Variants in ACSBG2 observed in about 807,000 individuals in gnomAD.
The protein encoded by ACSBG2 is acyl-CoA synthetase bubblegum family member 2, also known as long-chain-fatty-acid--CoA ligase ACSBG2.
Under a neutral mutation model 74.7 loss-of-function variants are expected in ACSBG2, and 62 were observed. The observed-to-expected ratio is 0.83, with a 90% CI of 0.68 to 1.03. The LOEUF (loss-of-function observed/expected upper bound fraction) is 1.03. Ranked by LOEUF, ACSBG2 falls within the 50% of genes least tolerant of loss-of-function variation. The pLI is 0.00. For synonymous variants in ACSBG2, 309 were observed against 294.1 expected (o/e 1.05, Z -0.52); for missense variants, 730 against 817.6 (o/e 0.89, Z 1.31).
rs1568264215 is a variant in ACSBG2, at chr19:6,192,846, T to C, written c.*214T>C. On this transcript the variant is annotated 3_prime_UTR_variant, in exon 15 of 15. Coordinates refer to ENST00000588485, the MANE Select transcript of ACSBG2 (RefSeq NM_030924.5). Reference sequence around the variant, plus strand: ...CAAAGCAATAAAATCACTGTATATCTTTCTAAGGACCTTCAAGTCATGACT... The same window carrying C: ...CAAAGCAATAAAATCACTGTATATCCTTCTAAGGACCTTCAAGTCATGACT... 6.6e-6 allele frequency: 1 copy of C among 152,196 alleles called. No individual in the cohort carries two copies. The highest frequency in any genetic ancestry group is 1.5e-5 in the Non-Finnish European group (1 of 68,028). The allele number at this position is 152,196 out of a possible 1,614,324, so 9.4% of individuals were successfully genotyped here.
chr19:6,142,263 T>C (rs1599989458), intron 2 of ACSBG2, among the ~76,000 whole-genome samples: 1 of 152,172 alleles, frequency 6.6e-6, no homozygotes, highest in Non-Finnish European at 1.5e-5. Flanking sequence ...GGTGCGGATA[T>C]GATCATAGTG....
chr19:6,183,216 G>C lies in ACSBG2; in HGVS notation c.1266G>C (p.Leu422Phe), dbSNP rs997753413. ...TACCTATAGGCGAGTTGTATGGGTT[G>C]AGTGAGAGCTCGGGACCCCACACGA... ...LDIPIGELYG[L>F]SESSGPHTIS... Residue 422 changes from leucine to phenylalanine, a missense_variant, in exon 10 of 15, where the codon TTG becomes TTC. Leu to Phe is a conservative substitution (Grantham distance 22, BLOSUM62 0). Coordinates refer to ENST00000588485, the MANE Select transcript of ACSBG2 (RefSeq NM_030924.5). 4 of 1,614,040 alleles carry C rather than the reference G, an allele frequency of 2.5e-6. No homozygotes were observed. The highest frequency in any genetic ancestry group is 3.3e-5 in the Admixed American group (2 of 59,992).
At chr19:6,188,640 C>A (rs1044776150) in intron 13 of ACSBG2, among the ~76,000 whole-genome samples, 3 of 152,036 alleles carry the variant, frequency 2.0e-5, no homozygotes, top group Non-Finnish European at 4.4e-5. Context: ...AAACAAAAAA[C>A]AAACAAACAA....
At chr19:6,161,338 C>T in intron 6 of ACSBG2, 43 bp downstream of exon 6, 1 of 1,582,718 alleles carries the variant, frequency 6.3e-7, no homozygotes. Flanking sequence ...GAGGGCGGGG[C>T]CTTGCAAGAA....
chr19:6,175,572 G>A (rs2090069856), intron 7 of ACSBG2: 1 of 152,174 alleles, frequency 6.6e-6, no homozygotes, highest in African/African-American at 2.4e-5. Context: ...GGAAAAGGCT[G>A]AAGAAAGAGC....
intron 4 of ACSBG2, among the ~76,000 whole-genome samples, chr19:6,153,859 TAAAGAAAAGA>T (rs10596493): frequency 8.0e-5 from 9 of 112,012 alleles, no homozygotes; most frequent in Non-Finnish European, 9.2e-5. Flanking sequence ...AAAATAAAAG[TAAAGAAAAGA>T]AAAGAAAAGA....
At chr19:6,158,392 A>G (rs1193815449) in intron 5 of ACSBG2, among the ~76,000 whole-genome samples, 1 of 149,316 alleles carries the variant, frequency 6.7e-6, no homozygotes, top group Non-Finnish European at 1.5e-5. Flanking sequence ...TGTTGAAATT[A>G]TCCAGTGAGT....
Position 6,141,582 on chromosome 19 carries a change from T to A in ACSBG2, c.39T>A (p.Asp13Glu), listed in dbSNP as rs79266675. The change falls in exon 2 of 15, where the codon GAT becomes GAA. Residue 13 changes from aspartate to glutamate, a missense_variant. Asp to Glu is a conservative substitution (Grantham distance 45, BLOSUM62 2). Transcript: ENST00000588485. ...CAAAGACTCAAGAAGGAGCTAAAGA[T>A]CTTGAAGTAGACATGAATAAAACAG... ...GTPKTQEGAK[D>E]LEVDMNKTEV... 22,117 of 1,611,046 alleles carry A rather than the reference T, an allele frequency of 0.014. 212 individuals carry two copies. Among genetic ancestry groups the A allele is most frequent in the Middle Eastern group, 0.026 (156 of 6,062 alleles).
intron 1 of ACSBG2, among the ~76,000 whole-genome samples, chr19:6,141,204 T>C (rs1312603911): frequency 2.0e-5 from 3 of 152,214 alleles, no homozygotes; most frequent in Non-Finnish European, 4.4e-5. Context: ...TGTGGTCCCA[T>C]GAGAGTTTCT....
At position 6,147,588 on chromosome 19, in the gene ACSBG2, C is replaced by T. The variant is rs577031271; in HGVS notation, c.210C>T (p.Leu70=). Residue 70 remains leucine, a synonymous_variant, in exon 3 of 15, where the codon CTC becomes CTT. Coordinates refer to ENST00000588485, the MANE Select transcript of ACSBG2 (RefSeq NM_030924.5). ...ACCGATTTGGAACTTATCCAGCCCT[C>T]GCATCCAAGAATGGCAAAAAGTGGG... ...SVNRFGTYPA[L]ASKNGKKWEI... is the part of the protein sequence containing the mutation. The T allele has an allele frequency of 1.1e-5, 18 of 1,614,088 alleles. No homozygotes were observed. The highest frequency in any genetic ancestry group is 8.0e-5 in the African/African-American group (6 of 75,008).
At chr19:6,191,921 G>A (rs2090571927) in intron 14 of ACSBG2, 1 of 151,984 alleles carries the variant, frequency 6.6e-6, no homozygotes, top group Non-Finnish European at 1.5e-5. Flanking sequence ...CCAGTTGAAT[G>A]AGAAACCATT....
At chr19:6,157,975 T>C (rs992376219) in intron 5 of ACSBG2, among the ~76,000 whole-genome samples, 4 of 152,152 alleles carry the variant, frequency 2.6e-5, no homozygotes, top group African/African-American at 9.7e-5. Flanking sequence ...TATGTTTGCT[T>C]TGTGTTCTTC....
intron 5 of ACSBG2, among the ~76,000 whole-genome samples, chr19:6,158,916 A>C (rs2089516648): frequency 6.6e-6 from 1 of 151,870 alleles, no homozygotes; most frequent in Non-Finnish European, 1.5e-5. Flanking sequence ...AGAGCTTTTA[A>C]AAATTCTTTT....
chr19:6,156,499 A>G lies in ACSBG2; in HGVS notation c.455A>G (p.Lys152Arg), dbSNP rs33937754. The change falls in exon 5 of 15, where the codon AAA (lysine) becomes AGA (arginine). Residue 152 changes from lysine to arginine, a missense_variant. Transcript: ENST00000588485. The part of the protein sequence containing the change: ...EVCQYVITHA[K>R]VNILLVENDQ... ...TGTCAATATGTCATCACTCATGCCA[A>G]AGTGAACATCTTGCTGGTTGAGAAT... is the stretch of plus-strand genomic sequence containing the variant. 0.13 allele frequency: 203,498 copies of G among 1,595,888 alleles called. 14,626 individuals are homozygous for G. The highest frequency in any genetic ancestry group is 0.15 in the Non-Finnish European group (175,247 of 1,170,948).
intron 4 of ACSBG2, among the ~76,000 whole-genome samples, chr19:6,154,084 C>T (rs1311472690): frequency 1.3e-5 from 2 of 151,730 alleles, no homozygotes; most frequent in Non-Finnish European, 2.9e-5. Context: ...ATATACTACC[C>T]CTGTCTTACA....
intron 14 of ACSBG2, chr19:6,191,208 A>G (rs973553831): frequency 3.3e-5 from 5 of 152,200 alleles, no homozygotes; most frequent in African/African-American, 1.2e-4. Flanking sequence ...GGGAGCCTCC[A>G]TGACACCATG....
chr19:6,184,941 G>A (rs565382961), intron 10 of ACSBG2, among the ~76,000 whole-genome samples: 1 of 127,566 alleles, frequency 7.8e-6, no homozygotes, highest in South Asian at 2.7e-4. Context: ...TTTGTTTTTT[G>A]AGACAGAGTC....
intron 2 of ACSBG2, among the ~76,000 whole-genome samples, chr19:6,146,330 TGTG>T (rs2089030007): frequency 1.3e-5 from 2 of 151,060 alleles, no homozygotes. Flanking sequence ...ATTAGCCAGA[TGTG>T]GTGGCGGGTG....
chr19:6,143,842 T>C (rs774501052), intron 2 of ACSBG2, among the ~76,000 whole-genome samples: 5 of 152,210 alleles, frequency 3.3e-5, no homozygotes, highest in Non-Finnish European at 5.9e-5. Context: ...TCCCTTGTTG[T>C]AAGTTGTTAT....
Sources: allele counts gnomAD v4.1 joint callset (sites outside exome capture counted in the v4.1 genomes callset), GRCh38; gene constraint gnomAD v4.1.1; transcripts MANE v1.5; gene names NCBI Gene and HGNC (gene_info 2026-07-23, HGNC 2026-07-21).